CAPZB: variants seen among roughly 807,000 people sequenced by gnomAD.
CAPZB encodes capping actin protein of muscle Z-line subunit beta, also known as F-actin-capping protein subunit beta.
CAPZB carries 2 observed loss-of-function variants against 38.1 expected under a neutral mutation model. That is an observed-to-expected ratio of 0.05 (90% CI 0.02 to 0.17). The LOEUF is 0.17. Ranked by LOEUF, CAPZB falls within the 10% of genes least tolerant of loss-of-function variation. CAPZB has a pLI of 1.00. For synonymous variants in CAPZB, 107 were observed against 127.4 expected, an observed-to-expected ratio of 0.84 and a Z score of 1.08; for missense variants, 161 against 334.2, an observed-to-expected ratio of 0.48 and a Z score of 4.04.
At chr1:19,397,755 T>C (rs1400694111) in intron 2 of CAPZB, among the ~76,000 whole-genome samples, 8 of 152,194 alleles carry the variant, frequency 5.3e-5, no homozygotes, top group African/African-American at 1.9e-4. Flanking sequence ...GTGTGCCAAA[T>C]GTCCACGTCT....
intron 1 of CAPZB, among the ~76,000 whole-genome samples, chr1:19,420,497 A>C (rs754563378): frequency 1.4e-5 from 2 of 145,822 alleles, no homozygotes; most frequent in African/African-American, 5.1e-5. Flanking sequence ...GCTCCCTACA[A>C]CCCCCACTTT....
chr1:19,390,551 T>C (rs1001742145), intron 2 of CAPZB, among the ~76,000 whole-genome samples: 1 of 152,224 alleles, frequency 6.6e-6, no homozygotes, highest in Non-Finnish European at 1.5e-5. Context: ...GCCGTCTTTC[T>C]GGTGGGAGTT....
chr1:19,351,888 C>T lies in CAPZB; in HGVS notation c.588+4747G>A, dbSNP rs78472558. On this transcript the variant is annotated intron_variant, in intron 6 of 8. Transcript: ENST00000264202. The stretch of plus-strand genomic sequence containing the variant: ...TCTCCTGTTTCCGCCCTTCACAGCA[C>T]GGGATGGTTGTGGGGAGCCTGTCTC... 5.1e-4 allele frequency among the ~76,000 whole-genome samples: 77 copies of T among 152,314 alleles called. No individual in the cohort carries two copies. In the East Asian group the frequency reaches 0.011, roughly 21 times the overall value.
intron 6 of CAPZB, among the ~76,000 whole-genome samples, chr1:19,354,024 G>C (rs2094006557): frequency 1.3e-5 from 2 of 152,226 alleles, no homozygotes; most frequent in Admixed American, 6.5e-5. Flanking sequence ...TCACCGAATG[G>C]CAGGCACAGA....
chr1:19,427,992 G>C (rs1406689974), intron 1 of CAPZB, among the ~76,000 whole-genome samples: 1 of 152,204 alleles, frequency 6.6e-6, no homozygotes, highest in Non-Finnish European at 1.5e-5. Flanking sequence ...CAAAACCCTG[G>C]GAGATGGCAG....
At chr1:19,476,168 GTAGATAGATAGATAGATAGATAGATAGA>G (rs200136717) in intron 1 of CAPZB, among the ~76,000 whole-genome samples, 2 of 33,204 alleles carry the variant, frequency 6.0e-5, no homozygotes, top group African/African-American at 7.8e-5. Flanking sequence ...TAAAAAATAA[GTAGATAGATAGATAGATAGATAGATAGA>G]TAGATAGATA....
Position 19,356,544 on chromosome 1 carries a change from A to G in CAPZB, c.588+91T>C, listed in dbSNP as rs2100314418. 1.2e-6 allele frequency: 1 copy of G among 841,014 alleles called. No individual in the cohort carries two copies. The highest frequency in any genetic ancestry group is 1.7e-5 in the African/African-American group (1 of 60,344). 52.1% of individuals were successfully genotyped at this position (841,014 alleles called of 1,614,324 possible). On this transcript the variant is annotated intron_variant, in intron 6 of 8. Coordinates refer to ENST00000264202, the MANE Select transcript of CAPZB (RefSeq NM_004930.5). This position sits in a 1 kb window ranked among gnomAD's most constrained non-coding sequence, Gnocchi z 4.3. Reference sequence around the variant, plus strand: ...ATAGCTGGCTGAACATGCTTACCCTAAATGGGGCACCTGCTCACTCATCTC... The same window carrying G: ...ATAGCTGGCTGAACATGCTTACCCTGAATGGGGCACCTGCTCACTCATCTC...
At chr1:19,478,032 G>A (rs1212776186) in intron 1 of CAPZB, among the ~76,000 whole-genome samples, 1 of 152,246 alleles carries the variant, frequency 6.6e-6, no homozygotes, top group Non-Finnish European at 1.5e-5. Flanking sequence ...AGCACTAGAA[G>A]AGGAAGCTGC....
At chr1:19,465,992 G>C (rs2094567822) in intron 1 of CAPZB, among the ~76,000 whole-genome samples, 1 of 152,078 alleles carries the variant, frequency 6.6e-6, no homozygotes, top group South Asian at 2.1e-4. Flanking sequence ...AGAGAGTTAA[G>C]TGAAGCCCAA....
At chr1:19,428,319 C>T (rs1238282907) in intron 1 of CAPZB, among the ~76,000 whole-genome samples, 3 of 152,010 alleles carry the variant, frequency 2.0e-5, no homozygotes, top group Non-Finnish European at 2.9e-5. Context: ...AGGAGAATCA[C>T]TTGAAACTGG....
chr1:19,349,497 G>A (rs1000176058), intron 6 of CAPZB, among the ~76,000 whole-genome samples: 24 of 152,156 alleles, frequency 1.6e-4, no homozygotes, highest in African/African-American at 5.3e-4. Context: ...AAGAGAGGCC[G>A]CGGCCATCGG....
Position 19,429,609 on chromosome 1 carries a change from C to T in CAPZB, c.4-9859G>A, listed in dbSNP as rs189374136. Among the ~76,000 whole-genome samples the T allele has an allele frequency of 2.8e-4, 43 of 152,318 alleles. No homozygotes were observed. In the East Asian group the frequency reaches 7.1e-3, roughly 25 times the overall value. On this transcript the variant is annotated intron_variant, in intron 1 of 8. Transcript: ENST00000264202. ...GGCCATAAGGGCACCGCCCACAGAG[C>T]ATCCTCCATAAAGGGTAGGAACTCT...
chr1:19,446,920 G>A (rs549486306), intron 1 of CAPZB, among the ~76,000 whole-genome samples: 2 of 152,140 alleles, frequency 1.3e-5, no homozygotes, highest in African/African-American at 2.4e-5. Flanking sequence ...CTAAAAATCC[G>A]TGATCCATCA....
chr1:19,484,041 G>T, intron 1 of CAPZB: 1 of 757,510 alleles, frequency 1.3e-6, no homozygotes. Context: ...GGCCTGTCCT[G>T]CAGAAGGGTC....
intron 4 of CAPZB, among the ~76,000 whole-genome samples, chr1:19,371,122 C>T (rs1263397730): frequency 6.6e-6 from 1 of 152,192 alleles, no homozygotes; most frequent in East Asian, 1.9e-4. Flanking sequence ...CCTCACTACA[C>T]CCTGATGATG....
intron 8 of CAPZB, among the ~76,000 whole-genome samples, chr1:19,341,699 A>AAAT (rs1491368104): frequency 6.6e-6 from 1 of 151,936 alleles, no homozygotes; most frequent in East Asian, 1.9e-4. Context: ...GGTGTATCTT[A>AAAT]AAAAGAGTTT....
chr1:19,435,483 C>CA (rs750294766), intron 1 of CAPZB, among the ~76,000 whole-genome samples: 1 of 152,216 alleles, frequency 6.6e-6, no homozygotes, highest in Non-Finnish European at 1.5e-5. Context: ...CTCTGCCAAA[C>CA]ACAGCACAAC....
chr1:19,452,151 C>T (rs1167388101), intron 1 of CAPZB, among the ~76,000 whole-genome samples: 1 of 152,016 alleles, frequency 6.6e-6, no homozygotes, highest in Non-Finnish European at 1.5e-5. Flanking sequence ...CCCTCCATCC[C>T]TCTCCATCCC....
In CAPZB at chr1:19,397,603, C is replaced by T. The variant is rs1052903874; in HGVS notation, c.94-11977G>A. ...AGATTGGTTTTTCACACAAGGTCAA[C>T]GCGAACGGAACCTCTCATACCAGCC... On this transcript the variant is annotated intron_variant, in intron 2 of 8. Transcript: ENST00000264202. Among the ~76,000 whole-genome samples the T allele has an allele frequency of 2.6e-5, 4 of 152,164 alleles. No homozygotes were observed. In the East Asian group the frequency reaches 7.7e-4, roughly 29 times the overall value.
Sources: allele counts gnomAD v4.1 joint callset (sites outside exome capture counted in the v4.1 genomes callset), GRCh38; gene constraint gnomAD v4.1.1; non-coding constraint Gnocchi (gnomAD v3.1); transcripts MANE v1.5; gene names NCBI Gene and HGNC (gene_info 2026-07-23, HGNC 2026-07-21).